The following EPHA5 variants were observed in gnomAD, a reference collection of about 807,000 sequenced individuals.
EPHA5 encodes ephrin type-A receptor 5.
EPHA5 carries 60 observed loss-of-function variants against 105.0 expected under a neutral mutation model. That is an observed-to-expected ratio of 0.57 (90% CI 0.46 to 0.71). The LOEUF (loss-of-function observed/expected upper bound fraction) is 0.71. Ranked by LOEUF, EPHA5 falls within the 30% of genes least tolerant of loss-of-function variation. EPHA5 has a pLI of 0.00. For missense variants in EPHA5, 1,218 were observed against 1,274.7 expected (o/e 0.96, Z 0.68); for synonymous variants, 513 against 449.1 (o/e 1.14, Z -1.80).
intron 3 of EPHA5, among the ~76,000 whole-genome samples, chr4:65,511,704 T>C (rs1243053753): frequency 6.6e-6 from 1 of 152,218 alleles, no homozygotes; most frequent in African/African-American, 2.4e-5. Context: ...ACCCTGTGGG[T>C]AATTTAAACG....
chr4:65,428,484 G>T (rs1724665177), intron 5 of EPHA5, among the ~76,000 whole-genome samples: 2 of 151,970 alleles, frequency 1.3e-5, no homozygotes, highest in African/African-American at 2.4e-5. Flanking sequence ...AATTCAATCT[G>T]CTCACTCAGA....
At chr4:65,595,150 GAA>G (rs201605652) in intron 3 of EPHA5, among the ~76,000 whole-genome samples, 6,740 of 116,684 alleles carry the variant, frequency 0.058, 185 homozygotes, top group Middle Eastern at 0.14. Context: ...CACCATTTCA[GAA>G]AAAAAAAAAA....
At chr4:65,580,740 C>A (rs754859055) in intron 3 of EPHA5, among the ~76,000 whole-genome samples, 1 of 151,666 alleles carries the variant, frequency 6.6e-6, no homozygotes. Flanking sequence ...AGACTTCAGA[C>A]CCTTATCAGC....
intron 4 of EPHA5, among the ~76,000 whole-genome samples, chr4:65,492,538 C>CAAAAAAAAAAAAAAAAAAAAAAAAAA (rs10543479): frequency 1.2e-5 from 1 of 84,944 alleles, no homozygotes; most frequent in Non-Finnish European, 2.3e-5. Context: ...GACATCTTTG[C>CAAAAAAAAAAAAAAAAAAAAAAAAAA]AAAAAAAAAA....
At chr4:65,668,006 A>T (rs1750099556) in intron 1 of EPHA5, among the ~76,000 whole-genome samples, 2 of 152,124 alleles carry the variant, frequency 1.3e-5, no homozygotes, top group Non-Finnish European at 2.9e-5. Flanking sequence ...TCTCAAAAAC[A>T]TTTTTTCAAC....
At position 65,365,991 on chromosome 4, in the gene EPHA5, T is replaced by C. The variant is rs749741161; in HGVS notation, c.1928A>G (p.His643Arg). ...HTYEDPNQAV[H>R]EFAKEIEASC... is the part of the protein sequence containing the mutation. ...TGCTTCTATCTCCTTAGCAAATTCG[T>C]GGACAGCTTGATTGGGATCCTCATA... is the stretch of plus-strand genomic sequence containing the variant. The change falls in exon 10 of 17, where the codon CAC (histidine) becomes CGC (arginine). Residue 643 changes from histidine (H) to arginine (R), a missense_variant. Physicochemically the swap from His to Arg is conservative, Grantham distance 29. Coordinates refer to ENST00000613740, the MANE Select transcript of EPHA5 (RefSeq NM_001281766.3). 1 of 1,609,920 alleles carries C rather than the reference T, an allele frequency of 6.2e-7. No individual in the cohort carries two copies. The highest frequency in any genetic ancestry group is 8.5e-7 in the Non-Finnish European group (1 of 1,177,080).
At chr4:65,526,744 TCA>T (rs1174533638) in intron 3 of EPHA5, among the ~76,000 whole-genome samples, 3 of 151,932 alleles carry the variant, frequency 2.0e-5, no homozygotes, top group East Asian at 3.9e-4. Context: ...GTAGATTATA[TCA>T]CTCATATAAC....
At chr4:65,412,141 T>G (rs562757614) in intron 7 of EPHA5, among the ~76,000 whole-genome samples, 1 of 152,212 alleles carries the variant, frequency 6.6e-6, no homozygotes, top group East Asian at 1.9e-4. Flanking sequence ...GTCAGGAGAA[T>G]CGCTTGAACT....
intron 8 of EPHA5, among the ~76,000 whole-genome samples, chr4:65,382,826 C>T (rs1256932872): frequency 6.6e-6 from 1 of 151,602 alleles, no homozygotes; most frequent in African/African-American, 2.4e-5. Context: ...CCAAGAGATA[C>T]TCAATAAACA....
rs1379555382 is a variant in EPHA5, at chr4:65,593,397, T to A, written c.910+8244A>T. Among the ~76,000 whole-genome samples the A allele has an allele frequency of 2.0e-5, 3 of 152,184 alleles. No homozygotes were observed. The East Asian group carries it at 5.8e-4, about 29-fold the overall frequency. On this transcript the variant is annotated intron_variant, in intron 3 of 16. Coordinates refer to ENST00000613740, the MANE Select transcript of EPHA5 (RefSeq NM_001281766.3). ...TACTAACACGGTCCTAATTTATCTGTACCTAAGTATCCCAATCTGTGAAAT... is the reference window on the plus strand; with the variant it reads ...TACTAACACGGTCCTAATTTATCTGAACCTAAGTATCCCAATCTGTGAAAT...
intron 13 of EPHA5, among the ~76,000 whole-genome samples, chr4:65,350,981 T>A (rs899184111): frequency 3.3e-5 from 5 of 151,574 alleles, no homozygotes; most frequent in African/African-American, 1.2e-4. Flanking sequence ...AATAATATTA[T>A]ACATGTTTAC....
chr4:65,560,246 A>G (rs888139481), intron 3 of EPHA5, among the ~76,000 whole-genome samples: 1 of 152,142 alleles, frequency 6.6e-6, no homozygotes, highest in South Asian at 2.1e-4. Flanking sequence ...CAAATAAGGA[A>G]TTTCTGAAGG....
intron 3 of EPHA5, among the ~76,000 whole-genome samples, chr4:65,554,780 ATATT>A (rs1738245197): frequency 6.6e-6 from 1 of 151,688 alleles, no homozygotes; most frequent in Non-Finnish European, 1.5e-5. Context: ...CATAAAGTAA[ATATT>A]TAGTGAGAAT....
intron 3 of EPHA5, among the ~76,000 whole-genome samples, chr4:65,497,463 T>C (rs1732056371): frequency 6.6e-6 from 1 of 152,128 alleles, no homozygotes; most frequent in Non-Finnish European, 1.5e-5. Flanking sequence ...AGGGACATTC[T>C]TGTAGTTAAA....
intron 8 of EPHA5, among the ~76,000 whole-genome samples, chr4:65,373,202 A>T (rs1718660575): frequency 6.6e-6 from 1 of 151,878 alleles, no homozygotes; most frequent in African/African-American, 2.4e-5. Flanking sequence ...AGTTATTTTT[A>T]AAAATAGATA....
At chr4:65,470,058 A>T (rs1729136145) in intron 5 of EPHA5, among the ~76,000 whole-genome samples, 2 of 152,214 alleles carry the variant, frequency 1.3e-5, no homozygotes, top group East Asian at 3.8e-4. Flanking sequence ...ACCCTAACAA[A>T]ATAAACAAGA....
At chr4:65,492,609 C>A (rs1390868224) in intron 4 of EPHA5, among the ~76,000 whole-genome samples, 1 of 151,196 alleles carries the variant, frequency 6.6e-6, no homozygotes, top group Non-Finnish European at 1.5e-5. Context: ...GTCATACCGG[C>A]CATCTCACAT....
chr4:65,333,991 G>A (rs1319099630), intron 15 of EPHA5, among the ~76,000 whole-genome samples: 1 of 151,550 alleles, frequency 6.6e-6, no homozygotes, highest in Non-Finnish European at 1.5e-5. Context: ...ATATTGTACA[G>A]CCGACCACTT....
At chr4:65,621,202 C>T (rs1461252735) in intron 2 of EPHA5, among the ~76,000 whole-genome samples, 3 of 152,104 alleles carry the variant, frequency 2.0e-5, no homozygotes, top group Non-Finnish European at 4.4e-5. Flanking sequence ...GAAATAAAAA[C>T]ATTGAGAAGC....
Sources: gnomAD v4.1 joint callset for allele counts (sites outside exome capture counted in the v4.1 genomes callset) on GRCh38, gnomAD v4.1.1 for gene constraint, MANE v1.5 for transcripts, NCBI Gene and HGNC (gene_info 2026-07-23, HGNC 2026-07-21) for gene names.